SENP7: variants seen among roughly 807,000 people sequenced by gnomAD.
SENP7 encodes sentrin-specific protease 7.
A neutral mutation model predicts 141.2 loss-of-function variants in SENP7; 64 were observed. The ratio of observed to expected loss-of-function variants is 0.45; its 90% CI spans 0.37 to 0.56. The LOEUF (loss-of-function observed/expected upper bound fraction) is 0.56, where lower values mean the gene tolerates loss of function less well. Ranked by LOEUF, SENP7 falls within the 20% of genes least tolerant of loss-of-function variation. SENP7 has a pLI of 0.00. For synonymous variants in SENP7, 382 were observed against 426.4 expected (o/e 0.90, Z 1.28); for missense variants, 1,025 against 1,212.2 (o/e 0.85, Z 2.29).
chr3:101,512,883 C>G (rs2065918534), intron 1 of SENP7, among the ~76,000 whole-genome samples: 1 of 152,090 alleles, frequency 6.6e-6, no homozygotes, highest in Non-Finnish European at 1.5e-5. Flanking sequence ...AGGTGAAGAG[C>G]GCCCGAGGCT....
At chr3:101,404,188 A>G (rs1045454081) in intron 5 of SENP7, among the ~76,000 whole-genome samples, 7 of 152,180 alleles carry the variant, frequency 4.6e-5, no homozygotes, top group African/African-American at 1.7e-4. Context: ...GGCTATAGTA[A>G]CCAAAACAGC....
chr3:101,418,201 T>A (rs2061681603), intron 4 of SENP7, among the ~76,000 whole-genome samples: 1 of 152,096 alleles, frequency 6.6e-6, no homozygotes, highest in South Asian at 2.1e-4. Context: ...AAACTAAGGG[T>A]CCACTACTGC....
At chr3:101,357,914 G>A in intron 11 of SENP7, 1 of 606,958 alleles carries the variant, frequency 1.6e-6, no homozygotes, top group Non-Finnish European at 2.9e-6. Flanking sequence ...AATTCACACT[G>A]GAGAGAAACC....
intron 4 of SENP7, among the ~76,000 whole-genome samples, chr3:101,425,975 G>A (rs79383569): frequency 0.016 from 2,411 of 152,214 alleles, 36 homozygotes; most frequent in Non-Finnish European, 0.027. Flanking sequence ...AGAATGAAAA[G>A]AAACAAACAA....
intron 18 of SENP7, 52 bp downstream of exon 18, chr3:101,332,718 A>AT (rs1367259402): frequency 5.5e-6 from 7 of 1,269,346 alleles, no homozygotes; most frequent in Non-Finnish European, 7.3e-6. Flanking sequence ...ACACTACAAA[A>AT]TTTTTTTCTG....
At chr3:101,347,721 C>CAAAAAA in intron 13 of SENP7, 151 bp downstream of exon 13, 6 of 275,154 alleles carry the variant, frequency 2.2e-5, no homozygotes, top group East Asian at 6.2e-5. Flanking sequence ...GACTCCATCT[C>CAAAAAA]AAAAAAAAAA....
chr3:101,426,385 G>C (rs953792529), intron 4 of SENP7, among the ~76,000 whole-genome samples: 1 of 152,136 alleles, frequency 6.6e-6, no homozygotes, highest in Non-Finnish European at 1.5e-5. Flanking sequence ...AGCCAGAACA[G>C]ATTGAGGAAC....
chr3:101,412,950 T>A (rs1398090764), intron 5 of SENP7, among the ~76,000 whole-genome samples: 1 of 152,134 alleles, frequency 6.6e-6, no homozygotes, highest in Non-Finnish European at 1.5e-5. Context: ...CTCCATTACT[T>A]ACAAGATTGA....
intron 4 of SENP7, among the ~76,000 whole-genome samples, chr3:101,438,693 C>T (rs1427930493): frequency 6.6e-6 from 1 of 152,218 alleles, no homozygotes; most frequent in Admixed American, 6.5e-5. Flanking sequence ...GTAAATTACA[C>T]ATCAATAAAG....
At chr3:101,360,716 T>C (rs1448351067) in intron 11 of SENP7, among the ~76,000 whole-genome samples, 1 of 152,230 alleles carries the variant, frequency 6.6e-6, no homozygotes, top group Non-Finnish European at 1.5e-5. Flanking sequence ...GAGAAGTTTA[T>C]ATAAGAATAT....
At position 101,408,271 on chromosome 3, in the gene SENP7, A is replaced by G. The variant is rs868119017; in HGVS notation, c.483-9216T>C. Reference sequence around the variant, plus strand: ...CTGAACAGACCAATAACAAGCAGTGAGATTGAAATGGTAATTTAAACATTA... The same window carrying G: ...CTGAACAGACCAATAACAAGCAGTGGGATTGAAATGGTAATTTAAACATTA... On this transcript the variant is annotated intron_variant, in intron 5 of 23. Transcript: ENST00000394095. 4.6e-5 allele frequency among the ~76,000 whole-genome samples: 7 copies of G among 152,290 alleles called. No homozygotes were observed. The Middle Eastern group carries it at 0.017, about 370-fold the overall frequency.
intron 7 of SENP7, 33 bp from the exon 8 acceptor site, chr3:101,368,044 A>G: frequency 6.5e-7 from 1 of 1,527,674 alleles, no homozygotes; most frequent in Non-Finnish European, 8.9e-7. Context: ...AATATGGACA[A>G]AAAAGTATAG....
At chr3:101,358,381 AC>A in intron 11 of SENP7, 1 of 504,310 alleles carries the variant, frequency 2.0e-6, no homozygotes, top group Non-Finnish European at 3.7e-6. Context: ...ATGTTCCTCA[AC>A]CCTTAATAAG....
intron 12 of SENP7, among the ~76,000 whole-genome samples, chr3:101,351,190 T>C (rs1345867777): frequency 3.3e-5 from 5 of 152,046 alleles, no homozygotes; most frequent in Non-Finnish European, 5.9e-5. Context: ...TGTGAGTCTC[T>C]ATAAGTTACA....
At chr3:101,488,343 G>A (rs2064816313) in intron 3 of SENP7, among the ~76,000 whole-genome samples, 1 of 152,106 alleles carries the variant, frequency 6.6e-6, no homozygotes, top group Non-Finnish European at 1.5e-5. Context: ...TCCTTTATCA[G>A]TTCTAGGAAC....
intron 10 of SENP7, among the ~76,000 whole-genome samples, chr3:101,364,321 C>T (rs1248773333): frequency 6.6e-6 from 1 of 152,084 alleles, no homozygotes; most frequent in East Asian, 1.9e-4. Context: ...CTGAATTAAT[C>T]GACTGATATT....
chr3:101,330,262 G>A, intron 20 of SENP7, 72 bp downstream of exon 20: 1 of 1,130,680 alleles, frequency 8.8e-7, no homozygotes, highest in South Asian at 1.4e-5. Context: ...ACCTAGCTAT[G>A]CTCTATTTTA....
chr3:101,421,268 T>C (rs894202815), intron 4 of SENP7, among the ~76,000 whole-genome samples: 1 of 152,086 alleles, frequency 6.6e-6, no homozygotes, highest in Non-Finnish European at 1.5e-5. Context: ...TCTATATACA[T>C]GCATAAAGAG....
At chr3:101,480,032 T>C (rs4527355) in intron 3 of SENP7, among the ~76,000 whole-genome samples, 60,086 of 150,154 alleles carry the variant, frequency 0.4, 12,428 homozygotes, top group Admixed American at 0.54. Context: ...CTGAAGAGGA[T>C]AGGAACAAAT....
Sources: allele counts gnomAD v4.1 joint callset (sites outside exome capture counted in the v4.1 genomes callset), GRCh38; gene constraint gnomAD v4.1.1; transcripts MANE v1.5; gene names NCBI Gene and HGNC (gene_info 2026-07-23, HGNC 2026-07-21).